Variants in CBFB observed in about 807,000 individuals in gnomAD.
CBFB encodes core-binding factor subunit beta.
CBFB carries 9 observed loss-of-function variants against 30.4 expected under a neutral mutation model. That is an observed-to-expected ratio of 0.30 (90% CI 0.18 to 0.52). The LOEUF (loss-of-function observed/expected upper bound fraction) is 0.52. CBFB is among the 20% of genes least tolerant of loss of function. The pLI is 0.97. For synonymous variants in CBFB, 94 were observed against 84.0 expected (o/e 1.12, Z -0.65); for missense variants, 170 against 244.0 (o/e 0.70, Z 2.02).
At chr16:67,066,905 T>G in intron 4 of CBFB, 107 bp downstream of exon 4, 1 of 618,606 alleles carries the variant, frequency 1.6e-6, no homozygotes. Context: ...TAGAAAGTAT[T>G]GTGTTGAAGC....
At chr16:67,066,868 AT>A in intron 4 of CBFB, 70 bp downstream of exon 4, 2 of 790,476 alleles carry the variant, frequency 2.5e-6, no homozygotes, top group South Asian at 1.5e-5. Context: ...CTGGGGACCT[AT>A]TTTACCCAAT....
At chr16:67,060,084 C>G (rs904970502) in intron 3 of CBFB, among the ~76,000 whole-genome samples, 2 of 151,762 alleles carry the variant, frequency 1.3e-5, no homozygotes, top group Admixed American at 1.3e-4. Flanking sequence ...AGGTGATCCT[C>G]CCCACCTCAG....
Position 67,098,963 on chromosome 16 carries a change from T to C in CBFB, c.*185T>C. On this transcript the variant is annotated 3_prime_UTR_variant, in exon 6 of 6. Coordinates refer to ENST00000412916, the MANE Select transcript of CBFB (RefSeq NM_022845.3). ...TGCACTATGATTATAATACCTGCAT[T>C]TCTAATTTTTTAAGCATGTAGCCAG... The C allele has an allele frequency of 2.2e-6, 1 of 451,840 alleles. No individual in the cohort carries two copies. The highest frequency in any genetic ancestry group is 3.9e-6 in the Non-Finnish European group (1 of 255,322). 28.0% of individuals were successfully genotyped at this position (451,840 alleles called of 1,614,324 possible). A position where few individuals can be genotyped will look rare whatever the true frequency, so the allele number is the denominator to read the frequency against.
At chr16:67,060,617 G>A (rs1960884166) in intron 3 of CBFB, among the ~76,000 whole-genome samples, 2 of 151,954 alleles carry the variant, frequency 1.3e-5, no homozygotes, top group South Asian at 2.1e-4. Context: ...GTGCAATGGC[G>A]CGATCTTGGC....
chr16:67,093,319 T>C (rs1445729647), intron 5 of CBFB: 1 of 151,326 alleles, frequency 6.6e-6, no homozygotes, highest in Non-Finnish European at 1.5e-5. Flanking sequence ...CAATAAAATA[T>C]AGTTGTTTTT....
At chr16:67,029,672 C>A in intron 1 of CBFB, 55 bp from the exon 2 acceptor site, 1 of 1,478,536 alleles carries the variant, frequency 6.8e-7, no homozygotes, top group Non-Finnish European at 9.3e-7. Flanking sequence ...GGAGGGCGGG[C>A]GCGCGGGCGG....
At chr16:67,097,486 A>C (rs1255921499) in intron 5 of CBFB, among the ~76,000 whole-genome samples, 1 of 150,686 alleles carries the variant, frequency 6.6e-6, no homozygotes, top group Non-Finnish European at 1.5e-5. Context: ...TGGAGGTTGC[A>C]GTGAGCTAAG....
intron 3 of CBFB, among the ~76,000 whole-genome samples, chr16:67,048,266 C>A (rs540214498): frequency 2.6e-4 from 40 of 151,940 alleles, no homozygotes; most frequent in Non-Finnish European, 4.0e-4. Context: ...ACAAAAAAAA[C>A]CCCTAAAACA....
intron 3 of CBFB, among the ~76,000 whole-genome samples, chr16:67,065,818 A>G (rs921549495): frequency 6.6e-6 from 1 of 152,212 alleles, no homozygotes; most frequent in Non-Finnish European, 1.5e-5. Context: ...AAACTTTTCT[A>G]CTATATTTAA....
chr16:67,069,970 CAG>C (rs1961172704), intron 4 of CBFB, among the ~76,000 whole-genome samples: 1 of 152,130 alleles, frequency 6.6e-6, no homozygotes, highest in Non-Finnish European at 1.5e-5. Flanking sequence ...GCCTAAGTGA[CAG>C]AGTGAGTCCC....
chr16:67,050,889 T>C (rs1378340162), intron 3 of CBFB, among the ~76,000 whole-genome samples: 17 of 152,192 alleles, frequency 1.1e-4, no homozygotes, highest in Admixed American at 1.1e-3. Context: ...AGCACTGCCA[T>C]ACTGCAGCAG....
intron 4 of CBFB, among the ~76,000 whole-genome samples, chr16:67,081,143 A>G (rs1597154669): frequency 1.0e-5 from 1 of 99,308 alleles, no homozygotes; most frequent in South Asian, 4.1e-4. Flanking sequence ...CCACCCCACA[A>G]CAGTCCCCAG....
chr16:67,069,656 CAAAG>C (rs775840604), intron 4 of CBFB, among the ~76,000 whole-genome samples: 2 of 152,194 alleles, frequency 1.3e-5, no homozygotes, highest in Non-Finnish European at 2.9e-5. Flanking sequence ...AGGATAAACA[CAAAG>C]AAATCCATAC....
At chr16:67,066,485 G>A (rs1046639286) in intron 3 of CBFB, among the ~76,000 whole-genome samples, 197 bp from the exon 4 acceptor site, 2 of 151,948 alleles carry the variant, frequency 1.3e-5, no homozygotes, top group African/African-American at 4.8e-5. Flanking sequence ...GCTTGAACCC[G>A]GGAGGCAGAG....
intron 4 of CBFB, among the ~76,000 whole-genome samples, chr16:67,079,227 A>G (rs1961489053): frequency 6.6e-6 from 1 of 152,220 alleles, no homozygotes; most frequent in Non-Finnish European, 1.5e-5. Flanking sequence ...CAATCTTGTT[A>G]TAAAGTATTA....
At chr16:67,090,626 A>G (rs1392627833) in intron 5 of CBFB, among the ~76,000 whole-genome samples, 1 of 152,198 alleles carries the variant, frequency 6.6e-6, no homozygotes, top group African/African-American at 2.4e-5. Flanking sequence ...TAAAACTGTA[A>G]TATAGCACTC....
At chr16:67,082,839 CAG>C (rs1459600471) in intron 5 of CBFB, among the ~76,000 whole-genome samples, 1 of 152,048 alleles carries the variant, frequency 6.6e-6, no homozygotes, top group African/African-American at 2.4e-5. Context: ...AATACAGAAA[CAG>C]AAATCAACAT....
chr16:67,094,791 T>G (rs1368732385), intron 5 of CBFB, among the ~76,000 whole-genome samples: 1 of 152,224 alleles, frequency 6.6e-6, no homozygotes, highest in Non-Finnish European at 1.5e-5. Context: ...CTGATGCATA[T>G]GTATTCCATA....
intron 5 of CBFB, among the ~76,000 whole-genome samples, chr16:67,095,271 C>A (rs977733404): frequency 3.0e-5 from 4 of 134,600 alleles, no homozygotes; most frequent in African/African-American, 1.1e-4. Flanking sequence ...GTAATCCCAA[C>A]ACTTTGGGAG....
Sources: gnomAD v4.1 joint callset for allele counts (sites outside exome capture counted in the v4.1 genomes callset) on GRCh38, gnomAD v4.1.1 for gene constraint, MANE v1.5 for transcripts, NCBI Gene and HGNC (gene_info 2026-07-23, HGNC 2026-07-21) for gene names.